CD22: variants seen among roughly 807,000 people sequenced by gnomAD.
CD22 encodes B-cell receptor CD22.
In CD22, 51 loss-of-function variants were observed where a neutral mutation model predicts 94.7. The observed-to-expected ratio is 0.54, with a 90% CI of 0.43 to 0.68. The LOEUF (loss-of-function observed/expected upper bound fraction) is 0.68. Among genes scored for constraint, CD22 ranks in the 30% least tolerant of loss-of-function variants. CD22 has a pLI of 0.00. For missense variants in CD22, 931 were observed against 1,060.4 expected, an observed-to-expected ratio of 0.88 and a Z score of 1.69; for synonymous variants, 424 against 422.5, an observed-to-expected ratio of 1.00 and a Z score of -0.04.
intron 1 of CD22, 149 bp downstream of exon 1, chr19:35,329,379 C>G: frequency 2.3e-6 from 1 of 439,030 alleles, no homozygotes; most frequent in South Asian, 1.7e-5. Flanking sequence ...TGTAGACAGA[C>G]CCCTGTCTTG....
At chr19:35,340,384 G>A (rs1249990660) in intron 6 of CD22, among the ~76,000 whole-genome samples, 3 of 152,126 alleles carry the variant, frequency 2.0e-5, no homozygotes, top group African/African-American at 7.2e-5. Flanking sequence ...CCGGGTTCAA[G>A]CGATTCTCTT....
intron 4 of CD22, chr19:35,336,647 C>T (rs1458122868): frequency 1.8e-5 from 7 of 387,030 alleles, no homozygotes; most frequent in Admixed American, 1.2e-4. Flanking sequence ...TCAATAAATA[C>T]GTATCATGAA....
Position 35,346,643 on chromosome 19 carries a change from C to A in CD22, c.2490C>A (p.Val830=). ...IHYSELIQFG[V]GERPQAQENV... is the part of the protein sequence containing the mutation. ...ACTCAGAGCTGATCCAGTTTGGGGTCGGGGAGCGGCCTCAGGCACAAGAAA... is the reference window on the plus strand; with the variant it reads ...ACTCAGAGCTGATCCAGTTTGGGGTAGGGGAGCGGCCTCAGGCACAAGAAA... The change falls in exon 14 of 14, where the codon GTC becomes GTA. Residue 830 remains valine, a synonymous_variant. Coordinates refer to ENST00000085219, the MANE Select transcript of CD22 (RefSeq NM_001771.4). 1 of 1,607,866 alleles carries A rather than the reference C, an allele frequency of 6.2e-7. No individual in the cohort carries two copies. The highest frequency in any genetic ancestry group is 8.5e-7 in the Non-Finnish European group (1 of 1,176,972).
Position 35,340,953 on chromosome 19 carries a change from C to T in CD22, c.1322C>T (p.Ser441Phe). Residue 441 changes from serine to phenylalanine, a missense_variant, in exon 7 of 14, where the codon TCC (serine) becomes TTC (phenylalanine). Coordinates refer to ENST00000085219, the MANE Select transcript of CD22 (RefSeq NM_001771.4). Reference protein sequence around the residue: ...PIREGDTVTLSCNYNSSNPSV... With the variant: ...PIREGDTVTLFCNYNSSNPSV... ...CGAGAAGGAGACACAGTGACCCTTT[C>T]CTGTAACTACAATTCCAGTAACCCC... 1 of 1,614,186 alleles carries T rather than the reference C, an allele frequency of 6.2e-7. No individual in the cohort carries two copies. The highest frequency in any genetic ancestry group is 8.5e-7 in the Non-Finnish European group (1 of 1,180,018).
At position 35,337,245 on chromosome 19, in the gene CD22, G is replaced by GA. The variant is rs956949663; in HGVS notation, c.719-501dup. 6.7e-6 allele frequency among the ~76,000 whole-genome samples: 1 copy of GA among 150,060 alleles called. No homozygotes were observed. The highest frequency in any genetic ancestry group is 2.1e-4 in the South Asian group (1 of 4,758). On this transcript the variant is annotated intron_variant, in intron 4 of 13. Transcript: ENST00000085219. The surrounding 1 kb of genome is among the most constrained non-coding windows in gnomAD (Gnocchi z 4.4). ...CGAGTGAGACTCCATCTCAAAAAAA[G>GA]AAAAAAAAAGAAGGTGAGCACTTAA...
intron 3 of CD22, among the ~76,000 whole-genome samples, chr19:35,333,463 C>G (rs2066674722): frequency 6.6e-6 from 1 of 152,222 alleles, no homozygotes; most frequent in African/African-American, 2.4e-5. Flanking sequence ...GGGTCAAATC[C>G]ACCCCTACAT....
At chr19:35,345,205 G>A (rs1036520695) in intron 11 of CD22, 79 bp downstream of exon 11, 4 of 1,270,432 alleles carry the variant, frequency 3.1e-6, no homozygotes, top group Admixed American at 1.7e-5. Context: ...ATCACCTGAG[G>A]TCAGGAGTTC....
At chr19:35,339,202 C>T (rs2066770179) in intron 6 of CD22, among the ~76,000 whole-genome samples, 1 of 152,112 alleles carries the variant, frequency 6.6e-6, no homozygotes, top group Non-Finnish European at 1.5e-5. Flanking sequence ...CCTGCTACTG[C>T]ACTCTAGCCT....
Position 35,338,227 on chromosome 19 carries a change from G to A in CD22, c.1045G>A (p.Val349Ile). The A allele has an allele frequency of 6.2e-7, 1 of 1,614,246 alleles. No homozygotes were observed. Among genetic ancestry groups the A allele is most frequent in the Non-Finnish European group, 8.5e-7 (1 of 1,180,038 alleles). Residue 349 changes from valine to isoleucine, a missense_variant, in exon 6 of 14, where the codon GTC (valine) becomes ATC (isoleucine). Transcript: ENST00000085219. Reference sequence around the variant, plus strand: ...CTCACCGGCTGTGGAGGGAAGTCAAGTCGAGTTTCTTTGCATGTCACTGGC... The same window carrying A: ...CTCACCGGCTGTGGAGGGAAGTCAAATCGAGTTTCTTTGCATGTCACTGGC... ...LHSPAVEGSQ[V>I]EFLCMSLANP...
chr19:35,336,219 T>C lies in CD22; in HGVS notation c.596T>C (p.Phe199Ser). The C allele has an allele frequency of 6.2e-7, 1 of 1,614,222 alleles. No homozygotes were observed. The highest frequency in any genetic ancestry group is 8.5e-7 in the Non-Finnish European group (1 of 1,180,040). Residue 199 changes from phenylalanine (F) to serine (S), a missense_variant, in exon 4 of 14, where the codon TTC becomes TCC. By Grantham distance (155) the Phe-to-Ser change is radical (BLOSUM62 -2). Transcript: ENST00000085219. ...ACCTCCTTGACCATCAAGTCTGTCT[T>C]CACCCGGAGCGAGCTCAAGTTCTCC... is the stretch of plus-strand genomic sequence containing the variant. ...TSTSLTIKSV[F>S]TRSELKFSPQ...
At chr19:35,343,091 C>T (rs746945611) in intron 9 of CD22, among the ~76,000 whole-genome samples, 10 of 151,412 alleles carry the variant, frequency 6.6e-5, no homozygotes, top group Non-Finnish European at 1.3e-4. Flanking sequence ...AGCCACCGCA[C>T]CCGGCTGATT....
intron 1 of CD22, 165 bp downstream of exon 1, chr19:35,329,395 C>T (rs2066615839): frequency 2.4e-6 from 1 of 408,708 alleles, no homozygotes; most frequent in African/African-American, 2.0e-5. Context: ...TCTTGAGCAT[C>T]CTCCTTGCCA....
Position 35,341,845 on chromosome 19 carries a change from T to A in CD22, c.1915T>A (p.Tyr639Asn). The A allele has an allele frequency of 6.2e-7, 1 of 1,614,098 alleles. No individual in the cohort carries two copies. The highest frequency in any genetic ancestry group is 8.5e-7 in the Non-Finnish European group (1 of 1,180,014). ...TGACTGGAATAACCAAAGCCTCCCCTACCACAGCCAGAAGCTGAGATTGGA... is the reference window on the plus strand; with the variant it reads ...TGACTGGAATAACCAAAGCCTCCCCAACCACAGCCAGAAGCTGAGATTGGA... The part of the protein sequence containing the change: ...WFDWNNQSLP[Y>N]HSQKLRLEPV... Residue 639 changes from tyrosine to asparagine, a missense_variant, in exon 9 of 14, where the codon TAC becomes AAC. Tyr to Asn is a moderately radical substitution (Grantham distance 143). Transcript: ENST00000085219. The surrounding 1 kb of genome is among the most constrained non-coding windows in gnomAD (Gnocchi z 4.0).
rs150637788 is a variant in CD22 at position 35,337,916 on chromosome 19, C to T, written c.880C>T (p.Leu294=). The T allele has an allele frequency of 3.7e-6, 6 of 1,614,142 alleles. No individual in the cohort carries two copies. The African/African-American group carries it at 8.0e-5, about 22-fold the overall frequency. Residue 294 remains leucine (L), a synonymous_variant, in exon 5 of 14, where the codon CTA becomes TTA. Transcript: ENST00000085219. The surrounding 1 kb of genome is among the most constrained non-coding windows in gnomAD (Gnocchi z 4.4). The part of the protein sequence containing the change: ...TSLKKQNTFT[L]NLREVTKDQS... ...GCTGAAGAAGCAGAATACATTCACGCTAAACCTGCGCGAAGTGACCAAGGA... is the reference window on the plus strand; with the variant it reads ...GCTGAAGAAGCAGAATACATTCACGTTAAACCTGCGCGAAGTGACCAAGGA...
In CD22 at chr19:35,346,795, T is replaced by C. The variant is rs1599697765; in HGVS notation, c.*98T>C. 5 of 1,079,696 alleles carry C rather than the reference T, an allele frequency of 4.6e-6. No homozygotes were observed. Among genetic ancestry groups the C allele is most frequent in the Middle Eastern group, 3.1e-4 (1 of 3,260 alleles). The allele number at this position is 1,079,696 out of a possible 1,614,324, so 66.9% of individuals were successfully genotyped here. A position where few individuals can be genotyped will look rare whatever the true frequency, so the allele number is the denominator to read the frequency against. On this transcript the variant is annotated 3_prime_UTR_variant, in exon 14 of 14. Transcript: ENST00000085219. Reference sequence around the variant, plus strand: ...GCCACATGGCTTCCTCCTGCGCGCATGTGCGCACACACACACACACACGCA... The same window carrying C: ...GCCACATGGCTTCCTCCTGCGCGCACGTGCGCACACACACACACACACGCA...
At position 35,336,078 on chromosome 19, in the gene CD22, A is replaced by G. The variant is rs1423109494; in HGVS notation, c.455A>G (p.Gln152Arg). ...CATATCCAGCTCCCTCCAGAAATTC[A>G]AGAGTCCCAGGAAGTCACTCTGACC... ...PPHIQLPPEIQESQEVTLTCL... is the reference protein window; with the variant it reads ...PPHIQLPPEIRESQEVTLTCL... The change falls in exon 4 of 14, where the codon CAA becomes CGA. Residue 152 changes from glutamine to arginine, a missense_variant. Transcript: ENST00000085219. 4 of 1,613,836 alleles carry G rather than the reference A, an allele frequency of 2.5e-6. No individual in the cohort carries two copies. Among genetic ancestry groups the G allele is most frequent in the Non-Finnish European group, 3.4e-6 (4 of 1,179,886 alleles).
chr19:35,341,259 C>T lies in CD22; in HGVS notation c.1508-84C>T, dbSNP rs1268516675. Reference sequence around the variant, plus strand: ...ACAGAATTGAGGGACAGGAGCCTGGCGTCAGGGCCAAGGGGAGGGGAGGCC... The same window carrying T: ...ACAGAATTGAGGGACAGGAGCCTGGTGTCAGGGCCAAGGGGAGGGGAGGCC... On this transcript the variant is annotated intron_variant, in intron 7 of 13. Coordinates refer to ENST00000085219, the MANE Select transcript of CD22 (RefSeq NM_001771.4). The surrounding 1 kb of genome is among the most constrained non-coding windows in gnomAD (Gnocchi z 4.0). 2.5e-6 allele frequency: 4 copies of T among 1,592,192 alleles called. No individual in the cohort carries two copies. Among genetic ancestry groups the T allele is most frequent in the Admixed American group, 3.4e-5 (2 of 58,454 alleles).
chr19:35,331,855 A>AT (rs2066649810), intron 1 of CD22, 164 bp from the exon 2 acceptor site: 2 of 1,422,234 alleles, frequency 1.4e-6, no homozygotes, highest in South Asian at 1.4e-5. Flanking sequence ...TCAAAAAAAA[A>AT]GAAAGAACTC....
In CD22 at chr19:35,341,175, G is replaced by A. The variant is rs1320247760; in HGVS notation, c.1507+37G>A. ...GGCTAGGCAGGGGGATCTGGGAGGT[G>A]GCCCGGCTGGGATGAGGGGATGAAG... On this transcript the variant is annotated intron_variant, in intron 7 of 13. Coordinates refer to ENST00000085219, the MANE Select transcript of CD22 (RefSeq NM_001771.4). This position sits in a 1 kb window ranked among gnomAD's most constrained non-coding sequence, Gnocchi z 4.0. 6.2e-7 allele frequency: 1 copy of A among 1,612,110 alleles called. No homozygotes were observed. Among genetic ancestry groups the A allele is most frequent in the Admixed American group, 1.7e-5 (1 of 59,982 alleles).
Sources: allele counts gnomAD v4.1 joint callset (sites outside exome capture counted in the v4.1 genomes callset), GRCh38; gene constraint gnomAD v4.1.1; non-coding constraint Gnocchi (gnomAD v3.1); transcripts MANE v1.5; gene names NCBI Gene and HGNC (gene_info 2026-07-23, HGNC 2026-07-21).